Variants in RSBN1L observed in about 807,000 individuals in gnomAD.
RSBN1L encodes lysine-specific demethylase RSBN1L.
A neutral mutation model predicts 67.7 loss-of-function variants in RSBN1L; 30 were observed. The ratio of observed to expected loss-of-function variants is 0.44; its 90% CI spans 0.33 to 0.60. The LOEUF is 0.60. Among genes scored for constraint, RSBN1L ranks in the 20% least tolerant of loss-of-function variants. The pLI, the probability that RSBN1L is intolerant of heterozygous loss-of-function variation, is 0.02. For missense variants in RSBN1L, 992 were observed against 1,031.7 expected (o/e 0.96, Z 0.53); for synonymous variants, 433 against 387.0 (o/e 1.12, Z -1.39).
intron 1 of RSBN1L, among the ~76,000 whole-genome samples, chr7:77,722,968 CTTTTTTTT>C (rs71531006): frequency 7.6e-6 from 1 of 132,340 alleles, no homozygotes; most frequent in East Asian, 2.2e-4. Flanking sequence ...TTTCTCTCTT[CTTTTTTTT>C]TTTTTTTTTG....
At chr7:77,759,617 G>C (rs1339828036) in intron 3 of RSBN1L, 2 of 151,988 alleles carry the variant, frequency 1.3e-5, no homozygotes. Context: ...AACAGCTTCT[G>C]CTCCCACCCC....
chr7:77,729,485 A>G (rs1459112990), intron 1 of RSBN1L, among the ~76,000 whole-genome samples: 1 of 152,194 alleles, frequency 6.6e-6, no homozygotes, highest in South Asian at 2.1e-4. Context: ...ATCAACTGGC[A>G]TTTGTTGACT....
At chr7:77,723,116 G>A (rs760402051) in intron 1 of RSBN1L, among the ~76,000 whole-genome samples, 4 of 151,750 alleles carry the variant, frequency 2.6e-5, no homozygotes, top group Non-Finnish European at 4.4e-5. Context: ...ACAGGCATGC[G>A]CCACCTCGCC....
intron 1 of RSBN1L, among the ~76,000 whole-genome samples, chr7:77,730,911 A>G (rs977500806): frequency 1.5e-4 from 23 of 152,228 alleles, no homozygotes; most frequent in African/African-American, 5.1e-4. Context: ...TTGCTGGAAC[A>G]TATGATAAGA....
At chr7:77,749,292 A>G in intron 2 of RSBN1L, 132 bp from the exon 3 acceptor site, 1 of 674,684 alleles carries the variant, frequency 1.5e-6, no homozygotes, top group Non-Finnish European at 2.4e-6. Context: ...AATTCTGTAA[A>G]AAATGAGTCC....
intron 4 of RSBN1L, 39 bp downstream of exon 4, chr7:77,765,671 T>A (rs9692459): frequency 0.022 from 31,336 of 1,401,362 alleles, 884 homozygotes; most frequent in African/African-American, 0.14. Flanking sequence ...GTTTTTTTTT[T>A]AAAAAAGGGA....
chr7:77,762,295 A>AT (rs986088912), intron 3 of RSBN1L, among the ~76,000 whole-genome samples: 18 of 152,166 alleles, frequency 1.2e-4, no homozygotes, highest in Non-Finnish European at 2.5e-4. Context: ...ATGAATTTTA[A>AT]TAGGACCATA....
chr7:77,749,777 C>T lies in RSBN1L; in HGVS notation c.1057C>T (p.His353Tyr). The change falls in exon 3 of 8, where the codon CAC (histidine) becomes TAC (tyrosine). Residue 353 changes from histidine (H) to tyrosine (Y), a missense_variant. Physicochemically the swap from His to Tyr is moderately conservative, Grantham distance 83 (BLOSUM62 2). Transcript: ENST00000334955. ...ATTTAAACAACTCATTCATATAGAG[C>T]ACCAGCCTAATGGAGGTGCATCGGT... ...LEFKQLIHIE[H>Y]QPNGGASVIH... The T allele has an allele frequency of 2.5e-6, 4 of 1,614,150 alleles. No homozygotes were observed. The highest frequency in any genetic ancestry group is 3.4e-6 in the Non-Finnish European group (4 of 1,180,016).
At chr7:77,766,878 C>G (rs1261373569) in intron 4 of RSBN1L, among the ~76,000 whole-genome samples, 2 of 152,118 alleles carry the variant, frequency 1.3e-5, no homozygotes, top group Non-Finnish European at 2.9e-5. Flanking sequence ...CTACTTCTCT[C>G]TAGTAGTTAC....
intron 1 of RSBN1L, among the ~76,000 whole-genome samples, chr7:77,717,106 G>C (rs2150415042): frequency 6.6e-6 from 1 of 152,110 alleles, no homozygotes; most frequent in South Asian, 2.1e-4. Context: ...GACTACAGGT[G>C]AGCGACACCA....
chr7:77,748,107 A>T (rs1791508166), intron 2 of RSBN1L, among the ~76,000 whole-genome samples: 1 of 152,236 alleles, frequency 6.6e-6, no homozygotes, highest in South Asian at 2.1e-4. Context: ...TTTGGATTCC[A>T]GACTGAAGAG....
chr7:77,696,529 C>A lies in RSBN1L; in HGVS notation c.60C>A (p.Val20=). Residue 20 remains valine, a synonymous_variant, in exon 1 of 8, where the codon GTC becomes GTA. Coordinates refer to ENST00000334955, the MANE Select transcript of RSBN1L (RefSeq NM_198467.3). ...CVAAAAPTAT[V]SEKEPFGKLQ... ...CTGCCGCGGCCCCCACCGCCACCGT[C>A]TCGGAGAAAGAACCGTTTGGCAAGC... 1.2e-6 allele frequency: 2 copies of A among 1,613,976 alleles called. No individual in the cohort carries two copies. The highest frequency in any genetic ancestry group is 1.1e-5 in the South Asian group (1 of 91,086).
intron 3 of RSBN1L, among the ~76,000 whole-genome samples, chr7:77,757,535 A>G (rs918501426): frequency 1.6e-4 from 24 of 152,234 alleles, no homozygotes; most frequent in Non-Finnish European, 3.4e-4. Flanking sequence ...CTTTTGCTGT[A>G]TTAAATGTAT....
At chr7:77,765,349 C>A in intron 3 of RSBN1L, 146 bp from the exon 4 acceptor site, 1 of 625,808 alleles carries the variant, frequency 1.6e-6, no homozygotes, top group Non-Finnish European at 2.4e-6. Flanking sequence ...GTTTTGCTTG[C>A]CTCATTATGA....
At chr7:77,769,210 A>G (rs1263474354) in intron 5 of RSBN1L, among the ~76,000 whole-genome samples, 3 of 152,230 alleles carry the variant, frequency 2.0e-5, no homozygotes, top group Non-Finnish European at 4.4e-5. Context: ...TTGGACTAAC[A>G]CTTCCAGTCC....
At chr7:77,707,023 T>C (rs1280214105) in intron 1 of RSBN1L, among the ~76,000 whole-genome samples, 1 of 109,926 alleles carries the variant, frequency 9.1e-6, no homozygotes, top group Non-Finnish European at 1.8e-5. Context: ...TTAAACTAGA[T>C]TTTTTTTTTT....
intron 1 of RSBN1L, among the ~76,000 whole-genome samples, chr7:77,698,262 T>C (rs533060031): frequency 5.3e-4 from 81 of 152,366 alleles, no homozygotes; most frequent in African/African-American, 1.9e-3. Flanking sequence ...TGTAAATATC[T>C]TTCAGCTTCT....
chr7:77,750,657 G>T (rs1791545110), intron 3 of RSBN1L, among the ~76,000 whole-genome samples: 1 of 152,134 alleles, frequency 6.6e-6, no homozygotes, highest in African/African-American at 2.4e-5. Context: ...TTGAACATCA[G>T]TGTGGGCCCA....
At chr7:77,760,269 A>G (rs999253010) in intron 3 of RSBN1L, among the ~76,000 whole-genome samples, 2 of 152,152 alleles carry the variant, frequency 1.3e-5, no homozygotes, top group African/African-American at 2.4e-5. Context: ...TGTTAACCAA[A>G]GCTTCTCAGA....
Sources: allele counts gnomAD v4.1 joint callset (sites outside exome capture counted in the v4.1 genomes callset), GRCh38; gene constraint gnomAD v4.1.1; transcripts MANE v1.5; gene names NCBI Gene and HGNC (gene_info 2026-07-23, HGNC 2026-07-21).